The following CDK17 variants were observed in gnomAD, a reference collection of about 807,000 sequenced individuals.
CDK17 encodes cyclin-dependent kinase 17.
A neutral mutation model predicts 77.6 loss-of-function variants in CDK17; 24 were observed. The ratio of observed to expected loss-of-function variants is 0.31; its 90% CI spans 0.22 to 0.44. The LOEUF is 0.44. Ranked by LOEUF, CDK17 falls within the 20% of genes least tolerant of loss-of-function variation. The pLI, the probability that CDK17 is intolerant of heterozygous loss-of-function variation, is 1.00. For synonymous variants in CDK17, 203 were observed against 210.4 expected, an observed-to-expected ratio of 0.96 and a Z score of 0.30; for missense variants, 429 against 622.5, an observed-to-expected ratio of 0.69 and a Z score of 3.31.
chr12:96,324,083 T>C lies in CDK17; in HGVS notation c.148A>G (p.Thr50Ala), dbSNP rs200736157. Residue 50 changes from threonine to alanine, a missense_variant, in exon 3 of 17, where the codon ACG becomes GCG. Physicochemically the swap from Thr to Ala is moderately conservative, Grantham distance 58. This residue lies in a region of CDK17 where 262 missense variants were observed against 385.4 expected (regional missense o/e 0.68). Coordinates refer to ENST00000261211, the MANE Select transcript of CDK17 (RefSeq NM_002595.5). ...AGGAAGGAATGCATACTGTGAGACG[T>C]TGGAGGCCTGCCATTCTTCACAATA... ...EPIVKNGRPP[T>A]SHSMHSFLHQ... The C allele has an allele frequency of 1.4e-4, 225 of 1,608,106 alleles. 1 individual carries two copies. The highest frequency in any genetic ancestry group is 3.3e-4 in the Middle Eastern group (2 of 6,072).
At chr12:96,286,481 A>C (rs909450280) in intron 12 of CDK17, among the ~76,000 whole-genome samples, 183 bp downstream of exon 12, 1 of 152,150 alleles carries the variant, frequency 6.6e-6, no homozygotes, top group Non-Finnish European at 1.5e-5. Flanking sequence ...GCAAAGATAA[A>C]ACTTAGCAGA....
intron 9 of CDK17, 186 bp from the exon 10 acceptor site, chr12:96,295,308 T>C (rs1952388263): frequency 1.2e-5 from 5 of 407,104 alleles, no homozygotes; most frequent in Non-Finnish European, 2.2e-5. Flanking sequence ...TAATAGTTTA[T>C]TATTCTATTT....
intron 5 of CDK17, among the ~76,000 whole-genome samples, chr12:96,305,723 C>T (rs1381647970): frequency 6.6e-6 from 1 of 151,838 alleles, no homozygotes; most frequent in African/African-American, 2.4e-5. Context: ...AATGGCCACC[C>T]CCTTTTTTTT....
In CDK17 at chr12:96,379,014, G is replaced by C. The variant is rs867677191; in HGVS notation, c.-30+20972C>G. Among the ~76,000 whole-genome samples the C allele has an allele frequency of 2.6e-5, 4 of 152,222 alleles. No individual in the cohort carries two copies. The South Asian group carries it at 6.2e-4, about 24-fold the overall frequency. Reference sequence around the variant, plus strand: ...TTTAATTTTAAAAAGAACTTAAAATGGTTATAATAGTGGAAGAATCTGAAG... The same window carrying C: ...TTTAATTTTAAAAAGAACTTAAAATCGTTATAATAGTGGAAGAATCTGAAG... On this transcript the variant is annotated intron_variant, in intron 1 of 16. Coordinates refer to ENST00000261211, the MANE Select transcript of CDK17 (RefSeq NM_002595.5).
chr12:96,340,956 T>G lies in CDK17; in HGVS notation c.-29-6091A>C, dbSNP rs1592739462. ...TCTGTCACCAAAGTAGTACGTATAGTACCCAATAGGTAGTTTTTTTATCCT... is the reference window on the plus strand; with the variant it reads ...TCTGTCACCAAAGTAGTACGTATAGGACCCAATAGGTAGTTTTTTTATCCT... On this transcript the variant is annotated intron_variant, in intron 1 of 16. Coordinates refer to ENST00000261211, the MANE Select transcript of CDK17 (RefSeq NM_002595.5). Among the ~76,000 whole-genome samples the G allele has an allele frequency of 5.9e-5, 9 of 152,308 alleles. No homozygotes were observed. The South Asian group carries it at 1.9e-3, about 32-fold the overall frequency.
chr12:96,326,763 T>TA lies in CDK17; in HGVS notation c.119-2652dup, dbSNP rs576771555. Among the ~76,000 whole-genome samples the TA allele has an allele frequency of 4.4e-3, 667 of 152,320 alleles. 5 individuals are homozygous for TA. The highest frequency in any genetic ancestry group is 0.024 in the Middle Eastern group (7 of 294). On this transcript the variant is annotated intron_variant, in intron 2 of 16. Transcript: ENST00000261211. ...GATCACACTTTGAGAACCACTGTGTTAGAGGACTAGAAAGAAGGCAAGTGT... is the reference window on the plus strand; with the variant it reads ...GATCACACTTTGAGAACCACTGTGTTAAGAGGACTAGAAAGAAGGCAAGTGT...
intron 11 of CDK17, 75 bp from the exon 12 acceptor site, chr12:96,286,836 T>C: frequency 7.9e-7 from 1 of 1,269,450 alleles, no homozygotes; most frequent in Admixed American, 1.8e-5. Flanking sequence ...TTCCTTAAGG[T>C]TGCCTCTCTG....
intron 1 of CDK17, among the ~76,000 whole-genome samples, chr12:96,363,477 C>A (rs918648034): frequency 9.3e-5 from 14 of 151,296 alleles, no homozygotes; most frequent in Admixed American, 9.2e-4. Flanking sequence ...AAAATTAGAG[C>A]CCCCTGTGCA....
intron 1 of CDK17, among the ~76,000 whole-genome samples, chr12:96,365,148 T>A (rs1953562470): frequency 6.6e-6 from 1 of 152,210 alleles, no homozygotes; most frequent in South Asian, 2.1e-4. Flanking sequence ...TGCTTTTTTC[T>A]CAAAGATGAG....
intron 1 of CDK17, chr12:96,399,528 G>A (rs1223587689): frequency 1.3e-5 from 2 of 151,634 alleles, no homozygotes; most frequent in East Asian, 2.0e-4. Context: ...ACCTCCCGCG[G>A]ACCCGCGCCC....
chr12:96,316,002 C>T (rs1019976809), intron 3 of CDK17, among the ~76,000 whole-genome samples: 5 of 152,236 alleles, frequency 3.3e-5, no homozygotes, highest in African/African-American at 1.2e-4. Flanking sequence ...CCAGCGTGAG[C>T]GACGCAGAAG....
intron 1 of CDK17, among the ~76,000 whole-genome samples, chr12:96,377,997 A>G (rs1164176658): frequency 6.6e-6 from 1 of 152,160 alleles, no homozygotes; most frequent in African/African-American, 2.4e-5. Flanking sequence ...CCGGCCCAGA[A>G]GCAGTTTTTT....
intron 5 of CDK17, among the ~76,000 whole-genome samples, chr12:96,302,351 T>TAA (rs144637231): frequency 0.26 from 39,439 of 151,898 alleles, 5,597 homozygotes; most frequent in Middle Eastern, 0.33. Flanking sequence ...TATATGATCT[T>TAA]AAATACTTTA....
chr12:96,285,195 A>G (rs762597290), intron 13 of CDK17, among the ~76,000 whole-genome samples: 1 of 152,240 alleles, frequency 6.6e-6, no homozygotes, highest in Non-Finnish European at 1.5e-5. Flanking sequence ...AAAAAAGCCC[A>G]GCAAGTATTA....
intron 1 of CDK17, among the ~76,000 whole-genome samples, chr12:96,380,853 C>G (rs990979662): frequency 1.3e-5 from 2 of 152,208 alleles, no homozygotes; most frequent in African/African-American, 4.8e-5. Flanking sequence ...CATGGAAATA[C>G]TCATTAGGCT....
At chr12:96,317,256 T>G (rs1440387674) in intron 3 of CDK17, among the ~76,000 whole-genome samples, 3 of 147,038 alleles carry the variant, frequency 2.0e-5, no homozygotes, top group Non-Finnish European at 4.5e-5. Context: ...GAAAAAAGAA[T>G]AAAAAGAAAT....
intron 1 of CDK17, among the ~76,000 whole-genome samples, chr12:96,347,605 AGGG>A (rs1565830148): frequency 0.019 from 190 of 9,972 alleles, 4 homozygotes; most frequent in African/African-American, 0.11. Flanking sequence ...AGGGAGGGGA[AGGG>A]AGGGGAAGGG....
intron 1 of CDK17, among the ~76,000 whole-genome samples, chr12:96,380,585 G>A (rs370704538): frequency 7.2e-5 from 11 of 152,186 alleles, no homozygotes; most frequent in East Asian, 1.9e-4. Flanking sequence ...CACTGTGCCC[G>A]GCCATTTTTT....
At chr12:96,316,199 G>A (rs1455403232) in intron 3 of CDK17, among the ~76,000 whole-genome samples, 4 of 152,076 alleles carry the variant, frequency 2.6e-5, no homozygotes, top group African/African-American at 7.2e-5. Context: ...GGTGACGGAC[G>A]CACCTGGAAA....
Sources: allele counts gnomAD v4.1 joint callset (sites outside exome capture counted in the v4.1 genomes callset), GRCh38; gene constraint gnomAD v4.1.1; regional missense constraint gnomAD v4.1.1; transcripts MANE v1.5; gene names NCBI Gene and HGNC (gene_info 2026-07-23, HGNC 2026-07-21).